Variants in LUZP2 observed in about 807,000 individuals in gnomAD.
The protein encoded by LUZP2 is leucine zipper protein 2.
In LUZP2, 52 loss-of-function variants were observed where a neutral mutation model predicts 51.6. That is an observed-to-expected ratio of 1.01 (90% CI 0.81 to 1.27). The LOEUF (loss-of-function observed/expected upper bound fraction) is 1.27, where lower values mean the gene tolerates loss of function less well. Among genes scored for constraint, LUZP2 ranks in the 50% most tolerant of loss-of-function variants. The pLI is 0.00. For missense variants in LUZP2, 436 were observed against 395.4 expected (o/e 1.10, Z -0.87); for synonymous variants, 154 against 137.3 (o/e 1.12, Z -0.85).
intron 5 of LUZP2, among the ~76,000 whole-genome samples, chr11:24,845,405 G>GAA (rs1851169038): frequency 6.6e-6 from 1 of 152,114 alleles, no homozygotes; most frequent in African/African-American, 2.4e-5. Flanking sequence ...GTGTGAAAGG[G>GAA]AATTGCTTTG....
chr11:24,962,358 G>A (rs1002995886), intron 7 of LUZP2, among the ~76,000 whole-genome samples: 22 of 152,196 alleles, frequency 1.4e-4, no homozygotes, highest in Non-Finnish European at 3.1e-4. Flanking sequence ...CCTGCAGAGT[G>A]TTTTCCAACT....
chr11:24,712,282 A>C (rs1157334454), intron 1 of LUZP2, among the ~76,000 whole-genome samples: 2 of 151,992 alleles, frequency 1.3e-5, no homozygotes, highest in Non-Finnish European at 2.9e-5. Flanking sequence ...GCATGGTGGC[A>C]TGCACCCGTG....
intron 1 of LUZP2, among the ~76,000 whole-genome samples, chr11:24,600,127 A>G (rs772713354): frequency 6.6e-5 from 10 of 151,874 alleles, no homozygotes; most frequent in Non-Finnish European, 1.0e-4. Context: ...CTCTTAATCC[A>G]ATGACTGGTG....
At chr11:25,044,263 A>G (rs921981970) in intron 9 of LUZP2, among the ~76,000 whole-genome samples, 1,202 of 33,598 alleles carry the variant, frequency 0.036, 12 homozygotes, top group African/African-American at 0.15. Flanking sequence ...GTGTGTATAT[A>G]TATATATATA....
chr11:24,753,896 C>T (rs1859680522), intron 4 of LUZP2, among the ~76,000 whole-genome samples: 1 of 152,086 alleles, frequency 6.6e-6, no homozygotes. Flanking sequence ...AATATTCTGA[C>T]TTTTTAAATT....
chr11:24,898,512 A>G (rs947390801), intron 5 of LUZP2, among the ~76,000 whole-genome samples: 1 of 152,112 alleles, frequency 6.6e-6, no homozygotes, highest in Admixed American at 6.5e-5. Context: ...TAGTCCCGCT[A>G]CGCGGGAGCC....
intron 1 of LUZP2, chr11:24,701,480 C>G (rs1178896297): frequency 6.1e-6 from 1 of 164,826 alleles, no homozygotes; most frequent in Non-Finnish European, 1.5e-5. Flanking sequence ...GGCTAAGAAA[C>G]TAAAAACGAT....
intron 5 of LUZP2, among the ~76,000 whole-genome samples, chr11:24,893,996 T>G (rs1459677503): frequency 4.6e-5 from 7 of 152,166 alleles, no homozygotes; most frequent in Admixed American, 4.6e-4. Flanking sequence ...TATTTTCATA[T>G]CTGTAGCCCA....
At chr11:24,823,190 T>C (rs1344166783) in intron 5 of LUZP2, among the ~76,000 whole-genome samples, 8 of 152,162 alleles carry the variant, frequency 5.3e-5, no homozygotes. Context: ...GTAGCAGGTT[T>C]CTCTAAAATG....
At chr11:24,895,055 A>G (rs1852993941) in intron 5 of LUZP2, among the ~76,000 whole-genome samples, 1 of 152,154 alleles carries the variant, frequency 6.6e-6, no homozygotes. Flanking sequence ...GACTGGTGAG[A>G]GATTCTCAAA....
At chr11:24,882,060 A>G (rs1385171224) in intron 5 of LUZP2, among the ~76,000 whole-genome samples, 1 of 151,938 alleles carries the variant, frequency 6.6e-6, no homozygotes. Flanking sequence ...TCTCATTGGT[A>G]TCAGGTCGCT....
chr11:24,773,086 T>G (rs1009085200), intron 5 of LUZP2, among the ~76,000 whole-genome samples: 3 of 151,896 alleles, frequency 2.0e-5, no homozygotes, highest in Admixed American at 6.6e-5. Context: ...GTGTAGTTTT[T>G]TTTTTTTTTT....
chr11:24,658,599 C>A (rs1855902424), intron 1 of LUZP2, among the ~76,000 whole-genome samples: 1 of 152,148 alleles, frequency 6.6e-6, no homozygotes, highest in Non-Finnish European at 1.5e-5. Flanking sequence ...TAAAGAGCTT[C>A]TGCACAGCAA....
chr11:24,996,572 T>TTTTATTTTATTTTATTTTA (rs1856506892), intron 9 of LUZP2, among the ~76,000 whole-genome samples: 1 of 132,602 alleles, frequency 7.5e-6, no homozygotes, highest in African/African-American at 2.9e-5. Flanking sequence ...CTTTTTTCTT[T>TTTTATTTTATTTTATTTTA]TTTTATTTTA....
intron 9 of LUZP2, among the ~76,000 whole-genome samples, chr11:24,987,792 C>T (rs572225763): frequency 6.6e-6 from 1 of 151,832 alleles, no homozygotes; most frequent in Non-Finnish European, 1.5e-5. Flanking sequence ...TGCCAAAAAT[C>T]TGTTACAAAG....
intron 1 of LUZP2, among the ~76,000 whole-genome samples, chr11:24,617,393 A>G (rs1181309716): frequency 6.6e-6 from 1 of 152,156 alleles, no homozygotes; most frequent in Non-Finnish European, 1.5e-5. Context: ...TCATTGAAGC[A>G]TTTTAGTGAT....
chr11:25,050,250 A>T (rs1590876829), intron 10 of LUZP2, 120 bp downstream of exon 10: 4 of 226,308 alleles, frequency 1.8e-5, no homozygotes, highest in Admixed American at 6.0e-5. Flanking sequence ...CTATCTAAGG[A>T]TTGTACTTTT....
At chr11:24,785,320 G>T in intron 5 of LUZP2, among the ~76,000 whole-genome samples, 1 of 152,166 alleles carries the variant, frequency 6.6e-6, no homozygotes, top group East Asian at 1.9e-4. Context: ...GAGGAAAGAA[G>T]AAACTAACAA....
At chr11:25,007,151 T>C (rs892564617) in intron 9 of LUZP2, among the ~76,000 whole-genome samples, 3 of 152,182 alleles carry the variant, frequency 2.0e-5, no homozygotes, top group African/African-American at 4.8e-5. Context: ...AGAGCACTGA[T>C]TGGTGCATTT....
Sources: gnomAD v4.1 joint callset for allele counts (sites outside exome capture counted in the v4.1 genomes callset) on GRCh38, gnomAD v4.1.1 for gene constraint, MANE v1.5 for transcripts, NCBI Gene and HGNC (gene_info 2026-07-23, HGNC 2026-07-21) for gene names.